Variants in IFT74 observed in about 807,000 individuals in gnomAD.
IFT74 encodes intraflagellar transport protein 74 homolog.
In IFT74, 92 loss-of-function variants were observed where a neutral mutation model predicts 96.7. That is an observed-to-expected ratio of 0.95 (90% CI 0.80 to 1.13). IFT74 has a LOEUF of 1.13. Among genes scored for constraint, IFT74 ranks in the 50% most tolerant of loss-of-function variants. The pLI is 0.00. For missense variants in IFT74, 811 were observed against 698.2 expected, an observed-to-expected ratio of 1.16 and a Z score of -1.82; for synonymous variants, 223 against 213.2, an observed-to-expected ratio of 1.05 and a Z score of -0.40.
intron 2 of IFT74, among the ~76,000 whole-genome samples, chr9:26,971,011 T>A (rs947452776): frequency 5.3e-5 from 8 of 152,242 alleles, no homozygotes; most frequent in South Asian, 2.1e-4. Flanking sequence ...GTGCTAACTC[T>A]CTAATGACAT....
intron 2 of IFT74, among the ~76,000 whole-genome samples, chr9:26,964,750 C>G (rs940166661): frequency 6.6e-6 from 1 of 151,978 alleles, no homozygotes; most frequent in African/African-American, 2.4e-5. Context: ...TCATCTAGAA[C>G]AATACCACAA....
At chr9:26,977,528 G>T (rs190665550) in intron 2 of IFT74, among the ~76,000 whole-genome samples, 1 of 152,038 alleles carries the variant, frequency 6.6e-6, no homozygotes, top group Admixed American at 6.6e-5. Context: ...TCACTCTATC[G>T]CCCAAGCTAG....
chr9:27,019,609 G>C (rs1027281810), intron 12 of IFT74, among the ~76,000 whole-genome samples: 2 of 150,714 alleles, frequency 1.3e-5, no homozygotes, highest in Non-Finnish European at 3.0e-5. Context: ...TACATGCTTA[G>C]TATTTTATTA....
intron 4 of IFT74, 77 bp downstream of exon 4, chr9:26,980,696 C>T: frequency 1.1e-6 from 1 of 913,228 alleles, no homozygotes; most frequent in Non-Finnish European, 1.7e-6. Flanking sequence ...GAGTATATAA[C>T]TTTAATATGA....
At chr9:26,980,207 C>T (rs1004365906) in intron 3 of IFT74, among the ~76,000 whole-genome samples, 19 of 152,228 alleles carry the variant, frequency 1.2e-4, no homozygotes, top group African/African-American at 4.6e-4. Context: ...TGTAGTCCCT[C>T]TGTCCACTTT....
In IFT74 at chr9:26,947,120, G is replaced by C. The variant is rs1381979530; in HGVS notation, c.-46G>C. The stretch of plus-strand genomic sequence containing the variant: ...CCGCAGGGGCGACTCGGAGAGCGCC[G>C]GGCCGCGGCGGGAGAAGAGCCTGCA... On this transcript the variant is annotated 5_prime_UTR_variant, in exon 1 of 20. Coordinates refer to the IFT74 transcript ENST00000433700. The C allele has an allele frequency of 2.2e-6, 3 of 1,392,372 alleles. No individual in the cohort carries two copies. In the Admixed American group the frequency reaches 9.6e-5, roughly 45 times the overall value. 86.3% of individuals were successfully genotyped at this position (1,392,372 alleles called of 1,614,324 possible).
intron 12 of IFT74, among the ~76,000 whole-genome samples, chr9:27,024,929 C>A (rs1221236436): frequency 1.4e-5 from 2 of 147,866 alleles, no homozygotes; most frequent in African/African-American, 5.0e-5. Flanking sequence ...AGCTCTAAGA[C>A]AAGGCTTTCA....
intron 18 of IFT74, among the ~76,000 whole-genome samples, chr9:27,057,670 A>G (rs1382281182): frequency 6.6e-6 from 1 of 152,106 alleles, no homozygotes; most frequent in Admixed American, 6.5e-5. Flanking sequence ...ATCCTGGCTA[A>G]CAACGGTGAA....
intron 2 of IFT74, among the ~76,000 whole-genome samples, chr9:26,964,608 C>G (rs548015547): frequency 3.1e-4 from 47 of 151,962 alleles, no homozygotes; most frequent in African/African-American, 1.1e-3. Flanking sequence ...ATGGAATGTT[C>G]TTCCATTTGT....
At chr9:27,036,666 T>C in intron 13 of IFT74, 1 of 1,370,282 alleles carries the variant, frequency 7.3e-7, no homozygotes, top group Non-Finnish European at 9.4e-7. Flanking sequence ...CTACTTGTGT[T>C]CACTCTTTGC....
At chr9:27,006,173 A>C (rs535313507) in intron 8 of IFT74, among the ~76,000 whole-genome samples, 2 of 152,290 alleles carry the variant, frequency 1.3e-5, no homozygotes, top group East Asian at 3.9e-4. Context: ...TACTCTTTGA[A>C]AATTTTATTA....
chr9:27,011,899 C>A lies in IFT74; in HGVS notation c.727-7C>A. 6.6e-7 allele frequency: 1 copy of A among 1,523,948 alleles called. No homozygotes were observed. 94.4% of individuals were successfully genotyped at this position (1,523,948 alleles called of 1,614,324 possible). A position where few individuals can be genotyped will look rare whatever the true frequency, so the allele number is the denominator to read the frequency against. Reference sequence around the variant, plus strand: ...GGATTTATGTTTGCTTTTTTTTTTCCACTTAGGAATTAGATACACTTCAAC... The same window carrying A: ...GGATTTATGTTTGCTTTTTTTTTTCAACTTAGGAATTAGATACACTTCAAC... On this transcript the variant is annotated splice_polypyrimidine_tract_variant and splice_region_variant and intron_variant, in intron 9 of 19. Transcript: ENST00000380062.
chr9:27,033,180 A>C (rs930362758), intron 13 of IFT74, among the ~76,000 whole-genome samples: 16 of 152,326 alleles, frequency 1.1e-4, no homozygotes, highest in African/African-American at 3.4e-4. Flanking sequence ...TATAATATAC[A>C]TTCTTCCCTA....
At chr9:27,047,219 T>TTA in intron 14 of IFT74, 55 bp from the exon 15 acceptor site, 1 of 1,034,464 alleles carries the variant, frequency 9.7e-7, no homozygotes, top group Non-Finnish European at 1.5e-6. Context: ...AAATCAGAGT[T>TTA]TATATAGTGT....
chr9:27,059,287 G>A (rs1466529467), intron 18 of IFT74, among the ~76,000 whole-genome samples: 4 of 152,044 alleles, frequency 2.6e-5, no homozygotes, highest in African/African-American at 9.7e-5. Flanking sequence ...CTGGCTTTTG[G>A]CATCTCTAAA....
At chr9:26,959,961 G>C (rs1826282091) in intron 1 of IFT74, among the ~76,000 whole-genome samples, 2 of 152,176 alleles carry the variant, frequency 1.3e-5, no homozygotes, top group South Asian at 4.1e-4. Context: ...TTCTGATTTT[G>C]CCAGATGGGC....
chr9:27,010,491 T>G (rs1230308051), intron 9 of IFT74, among the ~76,000 whole-genome samples: 4 of 146,082 alleles, frequency 2.7e-5, no homozygotes, highest in South Asian at 2.1e-4. Flanking sequence ...TTTTGTTTTT[T>G]TTTTTTTGTT....
At position 27,016,905 on chromosome 9, in the gene IFT74, A is replaced by G; in HGVS notation, c.790-2A>G. On this transcript the variant is annotated splice_acceptor_variant, in intron 10 of 19. Coordinates refer to ENST00000380062, the MANE Select transcript of IFT74 (RefSeq NM_025103.4). LOFTEE classifies it high-confidence loss of function. ...AAACTTTCCCTTCTTATTTTCCTTT[A>G]GGAAATAGCTCACTCCCAGGTGAAA... The G allele has an allele frequency of 6.3e-7, 1 of 1,588,896 alleles. No individual in the cohort carries two copies. Among genetic ancestry groups the G allele is most frequent in the Non-Finnish European group, 8.5e-7 (1 of 1,171,960 alleles).
chr9:27,025,132 A>G (rs1829798559), intron 12 of IFT74, among the ~76,000 whole-genome samples: 2 of 152,136 alleles, frequency 1.3e-5, no homozygotes, highest in South Asian at 4.1e-4. Flanking sequence ...GCCTTGCTAG[A>G]GATGTAGACA....
Sources: gnomAD v4.1 joint callset for allele counts (sites outside exome capture counted in the v4.1 genomes callset) on GRCh38, gnomAD v4.1.1 for gene constraint, MANE v1.5 for transcripts, NCBI Gene and HGNC (gene_info 2026-07-23, HGNC 2026-07-21) for gene names.